The following HOMER2 variants were observed in gnomAD, a reference collection of about 807,000 sequenced individuals.
HOMER2 encodes the protein homer scaffold protein 2.
HOMER2 carries 27 observed loss-of-function variants against 47.0 expected under a neutral mutation model. The ratio of observed to expected loss-of-function variants is 0.57; its 90% CI spans 0.42 to 0.79. HOMER2 has a LOEUF of 0.79. HOMER2 is among the 30% of genes least tolerant of loss of function. The probability of loss-of-function intolerance (pLI) is 0.00; values close to 1 mark genes in which losing one functional copy is unlikely to be tolerated. For synonymous variants in HOMER2, 161 were observed against 163.8 expected (o/e 0.98, Z 0.13); for missense variants, 443 against 435.0 (o/e 1.02, Z -0.16).
At chr15:82,845,160 T>A (rs2051221494), downstream of HOMER2, 1 of 152,116 alleles carries the variant, frequency 6.6e-6, no homozygotes, top group African/African-American at 2.4e-5. Context: ...TAGGTATACA[T>A]ATTTTTAATT....
Position 82,854,758 on chromosome 15 carries a change from A to C in HOMER2, c.537T>G (p.Leu179=). ...VKKWEIELQT[L]RESNARLTTA... ...TGGTCAGCCGTGCATTGCTCTCCCG[A>C]AGGGTCTGCAGCTCGATCTCCCACT... Residue 179 remains leucine, a synonymous_variant, in exon 6 of 9, where the codon CTT becomes CTG. Coordinates refer to ENST00000450735, the MANE Select transcript of HOMER2 (RefSeq NM_004839.4). 6.2e-7 allele frequency: 1 copy of C among 1,611,700 alleles called. No individual in the cohort carries two copies. The highest frequency in any genetic ancestry group is 8.5e-7 in the Non-Finnish European group (1 of 1,179,758).
chr15:82,930,717 AG>A (rs1485570012), intron 1 of HOMER2, among the ~76,000 whole-genome samples: 2 of 152,218 alleles, frequency 1.3e-5, no homozygotes, highest in Non-Finnish European at 2.9e-5. Flanking sequence ...TGATGGATGC[AG>A]CTTTTCAGCA....
At chr15:82,893,341 T>TA (rs1176283523) in intron 1 of HOMER2, among the ~76,000 whole-genome samples, 161 of 149,668 alleles carry the variant, frequency 1.1e-3, no homozygotes, top group African/African-American at 3.9e-3. Context: ...TTTTTTTTTT[T>TA]TTTTTTTTGG....
At chr15:82,933,452 C>T (rs1011537809) in intron 1 of HOMER2, among the ~76,000 whole-genome samples, 2 of 152,102 alleles carry the variant, frequency 1.3e-5, no homozygotes, top group Non-Finnish European at 2.9e-5. Context: ...CACTACATCA[C>T]CCCAGGCTGA....
chr15:82,893,694 A>G (rs1469291852), intron 1 of HOMER2, among the ~76,000 whole-genome samples: 4 of 150,512 alleles, frequency 2.7e-5, no homozygotes, highest in Admixed American at 2.0e-4. Context: ...ATGCAATCAT[A>G]GCTCACTGCA....
chr15:82,943,727 C>T (rs2151223525), intron 1 of HOMER2, among the ~76,000 whole-genome samples: 1 of 152,340 alleles, frequency 6.6e-6, no homozygotes, highest in African/African-American at 2.4e-5. Context: ...ACCCGCAGAA[C>T]AAAAGGAGGA....
At chr15:82,854,613 C>T (rs1473498080) in intron 6 of HOMER2, 31 bp downstream of exon 6, 1 of 1,594,400 alleles carries the variant, frequency 6.3e-7, no homozygotes, top group Non-Finnish European at 8.6e-7. Flanking sequence ...CACCAGCTGG[C>T]CTCGGGGCTC....
chr15:82,952,566 G>C lies in HOMER2; in HGVS notation c.-31C>G, dbSNP rs1596381991. On this transcript the variant is annotated 5_prime_UTR_variant, in exon 1 of 9. Transcript: ENST00000450735. The stretch of plus-strand genomic sequence containing the variant: ...GCGCTGCTCCGGCGGCCGCTCCGAC[G>C]GGGCCTCTCGCGCTCGCTCTCCGCC... The C allele has an allele frequency of 1.9e-5, 22 of 1,168,030 alleles. No homozygotes were observed. The highest frequency in any genetic ancestry group is 7.8e-5 in the East Asian group (2 of 25,710). The allele number at this position is 1,168,030 out of a possible 1,614,324, so 72.4% of individuals were successfully genotyped here.
intron 5 of HOMER2, among the ~76,000 whole-genome samples, chr15:82,856,181 A>G (rs1044796413): frequency 6.6e-6 from 1 of 152,260 alleles, no homozygotes; most frequent in African/African-American, 2.4e-5. Context: ...ATGACTGACA[A>G]TTTAAGCTAA....
At chr15:82,936,456 T>C (rs2054145127) in intron 1 of HOMER2, among the ~76,000 whole-genome samples, 1 of 152,266 alleles carries the variant, frequency 6.6e-6, no homozygotes, top group Non-Finnish European at 1.5e-5. Context: ...TGATTACATG[T>C]TGAAATGATA....
intron 2 of HOMER2, among the ~76,000 whole-genome samples, chr15:82,876,732 C>T (rs1342823995): frequency 6.6e-6 from 1 of 152,226 alleles, no homozygotes; most frequent in African/African-American, 2.4e-5. Context: ...CAACTCAGAA[C>T]ACTTTCCTTG....
intron 1 of HOMER2, among the ~76,000 whole-genome samples, chr15:82,896,502 A>T (rs1460239953): frequency 6.6e-6 from 1 of 152,216 alleles, no homozygotes; most frequent in African/African-American, 2.4e-5. Flanking sequence ...ACGATGTTGG[A>T]AGAACACAAT....
chr15:82,915,970 T>C (rs903971797), intron 1 of HOMER2, among the ~76,000 whole-genome samples: 9 of 152,224 alleles, frequency 5.9e-5, no homozygotes, highest in African/African-American at 2.2e-4. Context: ...ATGGTCTTCT[T>C]TTCTTTATGT....
chr15:82,892,775 C>G lies in HOMER2; in HGVS notation c.72G>C (p.Trp24Cys). The G allele has an allele frequency of 6.2e-7, 1 of 1,606,468 alleles. No individual in the cohort carries two copies. The change falls in exon 2 of 9, where the codon TGG (tryptophan) becomes TGC (cysteine). Residue 24 changes from tryptophan (W) to cysteine (C), a missense_variant. Trp to Cys is a radical substitution (Grantham distance 215). Coordinates refer to ENST00000450735, the MANE Select transcript of HOMER2 (RefSeq NM_004839.4). ...TGACCGCCTGCTTGCTCGCAGGCAT[C>G]CAGTTCTTCTTGGTGTTGGGGTCAA... Reference protein sequence around the residue: ...FQIDPNTKKNWMPASKQAVTV... With the variant: ...FQIDPNTKKNCMPASKQAVTV...
At chr15:82,850,532 G>C (rs960442003) in intron 8 of HOMER2, among the ~76,000 whole-genome samples, 22 of 152,244 alleles carry the variant, frequency 1.4e-4, no homozygotes, top group African/African-American at 5.3e-4. Flanking sequence ...ACAGCTGTGA[G>C]TCCTTAAATG....
chr15:82,907,885 G>T (rs1333487350), intron 1 of HOMER2, among the ~76,000 whole-genome samples: 1 of 152,180 alleles, frequency 6.6e-6, no homozygotes, highest in Non-Finnish European at 1.5e-5. Context: ...ACAAAATGTG[G>T]TGTATCCATA....
chr15:82,865,566 T>G (rs2151637518), intron 3 of HOMER2, among the ~76,000 whole-genome samples: 1 of 152,312 alleles, frequency 6.6e-6, no homozygotes, highest in Non-Finnish European at 1.5e-5. Context: ...TTCAAACATG[T>G]GAGAATCAAA....
At chr15:82,966,113 G>C (rs758207915) in intron 1 of HOMER2, among the ~76,000 whole-genome samples, 1 of 151,934 alleles carries the variant, frequency 6.6e-6, no homozygotes, top group African/African-American at 2.4e-5. Context: ...AAAAAAGAGG[G>C]GTCACTTTAG....
chr15:82,958,958 C>T (rs1221669252), exon 2 of HOMER2: 1 of 152,372 alleles, frequency 6.6e-6, no homozygotes, highest in African/African-American at 2.4e-5. Context: ...AGCTATCACA[C>T]TCATTGTCAC....
Sources: gnomAD v4.1 joint callset for allele counts (sites outside exome capture counted in the v4.1 genomes callset) on GRCh38, gnomAD v4.1.1 for gene constraint, MANE v1.5 for transcripts, NCBI Gene and HGNC (gene_info 2026-07-23, HGNC 2026-07-21) for gene names.